The following MEGF11 variants were observed in gnomAD, a reference collection of about 807,000 sequenced individuals.
MEGF11 encodes the protein multiple epidermal growth factor-like domains protein 11.
MEGF11 carries 126 observed loss-of-function variants against 146.6 expected under a neutral mutation model. The observed-to-expected ratio is 0.86, with a 90% confidence interval of 0.74 to 1.00. The LOEUF is 1.00. MEGF11 is among the 50% of genes least tolerant of loss of function. The pLI is 0.00. For missense variants in MEGF11, 1,509 were observed against 1,521.2 expected (o/e 0.99, Z 0.13); for synonymous variants, 532 against 583.4 (o/e 0.91, Z 1.27).
chr15:66,040,500 T>C (rs1241178537), intron 5 of MEGF11, among the ~76,000 whole-genome samples: 1 of 151,438 alleles, frequency 6.6e-6, no homozygotes, highest in African/African-American at 2.4e-5. Flanking sequence ...CACCGGGAAG[T>C]ATATTTCACA....
chr15:65,961,203 CACATG>C (rs1018282181), intron 9 of MEGF11, among the ~76,000 whole-genome samples: 3 of 152,174 alleles, frequency 2.0e-5, no homozygotes, highest in African/African-American at 7.2e-5. Flanking sequence ...TCTCTTGAGT[CACATG>C]GCAGGCCAGG....
At chr15:65,914,045 G>A in intron 19 of MEGF11, 72 bp from the exon 20 acceptor site, 1 of 1,194,302 alleles carries the variant, frequency 8.4e-7, no homozygotes, top group Non-Finnish European at 1.2e-6. Flanking sequence ...CCTGGGTTCA[G>A]ATGCGTGTAA....
chr15:66,238,456 G>A (rs765475678), intron 1 of MEGF11, among the ~76,000 whole-genome samples: 13 of 152,190 alleles, frequency 8.5e-5, no homozygotes, highest in Non-Finnish European at 1.5e-4. Flanking sequence ...ATCCCCACAC[G>A]CACTCTTGGG....
At chr15:66,034,959 CT>C (rs2083671847) in intron 5 of MEGF11, among the ~76,000 whole-genome samples, 1 of 152,200 alleles carries the variant, frequency 6.6e-6, no homozygotes. Flanking sequence ...GTGATGCCCT[CT>C]GCCATGTTAT....
intron 1 of MEGF11, among the ~76,000 whole-genome samples, chr15:66,147,064 G>C (rs1222877183): frequency 1.3e-5 from 2 of 152,172 alleles, no homozygotes; most frequent in Non-Finnish European, 2.9e-5. Flanking sequence ...GTAGCCGCTA[G>C]GTCCCTGGAT....
intron 5 of MEGF11, among the ~76,000 whole-genome samples, chr15:66,038,934 A>G (rs1212024765): frequency 1.3e-5 from 2 of 152,166 alleles, no homozygotes; most frequent in East Asian, 3.8e-4. Flanking sequence ...AGGGCTTAAC[A>G]GTTCACTCAG....
At chr15:66,167,036 G>T (rs146576371) in intron 1 of MEGF11, among the ~76,000 whole-genome samples, 1 of 151,860 alleles carries the variant, frequency 6.6e-6, no homozygotes, top group Non-Finnish European at 1.5e-5. Context: ...AGTTGATGCA[G>T]AGTTCCAAGG....
intron 1 of MEGF11, among the ~76,000 whole-genome samples, chr15:66,250,172 G>A (rs980401343): frequency 6.6e-6 from 1 of 152,154 alleles, no homozygotes; most frequent in African/African-American, 2.4e-5. Context: ...CAGAAGATCT[G>A]CACAGCAGTT....
At chr15:66,155,575 T>C (rs999469609) in intron 1 of MEGF11, among the ~76,000 whole-genome samples, 5 of 152,176 alleles carry the variant, frequency 3.3e-5, no homozygotes, top group African/African-American at 7.2e-5. Flanking sequence ...TCCAGACTCA[T>C]GTTTCCAGCG....
At chr15:66,251,851 T>C (rs982316541) in intron 1 of MEGF11, among the ~76,000 whole-genome samples, 1 of 152,202 alleles carries the variant, frequency 6.6e-6, no homozygotes, top group South Asian at 2.1e-4. Context: ...CTCGAATTTC[T>C]AGCGGCTTAA....
chr15:66,070,783 G>A (rs2085332742), intron 5 of MEGF11, among the ~76,000 whole-genome samples: 1 of 152,190 alleles, frequency 6.6e-6, no homozygotes, highest in Admixed American at 6.5e-5. Context: ...GAAGTGGGGG[G>A]ATTAAGTGAG....
At chr15:66,033,802 T>G (rs570050728) in intron 5 of MEGF11, among the ~76,000 whole-genome samples, 1 of 152,364 alleles carries the variant, frequency 6.6e-6, no homozygotes, top group Admixed American at 6.5e-5. Flanking sequence ...TTTATTTTTA[T>G]TTTTTGTGAG....
chr15:65,972,735 T>C (rs977142488), intron 7 of MEGF11, among the ~76,000 whole-genome samples: 3 of 152,178 alleles, frequency 2.0e-5, no homozygotes, highest in African/African-American at 4.8e-5. Flanking sequence ...GGGGACTCAG[T>C]AAAGACATTT....
intron 5 of MEGF11, among the ~76,000 whole-genome samples, chr15:66,068,684 T>C (rs763192086): frequency 6.6e-6 from 1 of 152,154 alleles, no homozygotes; most frequent in Non-Finnish European, 1.5e-5. Context: ...CATCAGGCCA[T>C]TGTCATGGGT....
At chr15:66,172,319 G>T (rs2090281772) in intron 1 of MEGF11, among the ~76,000 whole-genome samples, 1 of 152,228 alleles carries the variant, frequency 6.6e-6, no homozygotes, top group Admixed American at 6.5e-5. Flanking sequence ...CTAGTCCATT[G>T]CCTCGTGGGC....
At chr15:66,042,094 C>T (rs1487422195) in intron 5 of MEGF11, among the ~76,000 whole-genome samples, 1 of 132,190 alleles carries the variant, frequency 7.6e-6, no homozygotes, top group Non-Finnish European at 1.6e-5. Context: ...ACAGAATGCA[C>T]AGATTTCTTT....
intron 1 of MEGF11, among the ~76,000 whole-genome samples, chr15:66,148,493 G>A (rs1167785985): frequency 6.6e-6 from 1 of 152,206 alleles, no homozygotes; most frequent in East Asian, 1.9e-4. Flanking sequence ...GCTGGGGCAG[G>A]AAGAACGACA....
chr15:66,253,023 T>G (rs947364389), intron 1 of MEGF11, among the ~76,000 whole-genome samples: 1 of 152,208 alleles, frequency 6.6e-6, no homozygotes, highest in Admixed American at 6.5e-5. Context: ...AATAGGGGGA[T>G]ACACGTTCCG....
chr15:65,964,162 A>AGCGGGCAGGGAGGGGAGCT (rs1323494580), intron 9 of MEGF11, among the ~76,000 whole-genome samples: 1 of 152,192 alleles, frequency 6.6e-6, no homozygotes, highest in African/African-American at 2.4e-5. Context: ...TGGTGCGTGA[A>AGCGGGCAGGGAGGGGAGCT]GCGGGCAGGG....
Sources: allele counts gnomAD v4.1 joint callset (sites outside exome capture counted in the v4.1 genomes callset), GRCh38; gene constraint gnomAD v4.1.1; transcripts MANE v1.5; gene names NCBI Gene and HGNC (gene_info 2026-07-23, HGNC 2026-07-21).